LY86: variants seen among roughly 807,000 people sequenced by gnomAD.
LY86 encodes the protein MD-1, RP105-associated.
LY86 carries 20 observed loss-of-function variants against 17.3 expected under a neutral mutation model. That is an observed-to-expected ratio of 1.15 (90% CI 0.81 to 1.68). The LOEUF is 1.68. Ranked by LOEUF, LY86 falls within the 40% of genes most tolerant of loss-of-function variation. The pLI is 0.00. For missense variants in LY86, 200 were observed against 191.9 expected (o/e 1.04, Z -0.25); for synonymous variants, 74 against 70.6 (o/e 1.05, Z -0.24).
chr6:6,610,224 G>A (rs1036881044), intron 1 of LY86, among the ~76,000 whole-genome samples: 3 of 152,230 alleles, frequency 2.0e-5, no homozygotes, highest in South Asian at 2.1e-4. Flanking sequence ...GTTTTGATAC[G>A]TGGTTCTGTA....
intron 1 of LY86, among the ~76,000 whole-genome samples, chr6:6,595,043 C>G (rs867381848): frequency 6.6e-6 from 1 of 151,568 alleles, no homozygotes; most frequent in South Asian, 2.1e-4. Flanking sequence ...GATAAGTCTT[C>G]GGGTAAAAAA....
At chr6:6,639,280 T>C (rs1489739467) in intron 3 of LY86, among the ~76,000 whole-genome samples, 1 of 151,680 alleles carries the variant, frequency 6.6e-6, no homozygotes, top group African/African-American at 2.4e-5. Context: ...CTAGGTTACA[T>C]CCGTGTCATG....
At chr6:6,640,821 C>T (rs1195786235) in intron 3 of LY86, among the ~76,000 whole-genome samples, 2 of 152,046 alleles carry the variant, frequency 1.3e-5, no homozygotes, top group African/African-American at 2.4e-5. Flanking sequence ...TGAAGAAACC[C>T]AGGAAAAATT....
At chr6:6,640,950 G>A (rs549517435) in intron 3 of LY86, among the ~76,000 whole-genome samples, 50 of 152,262 alleles carry the variant, frequency 3.3e-4, no homozygotes, top group African/African-American at 1.1e-3. Context: ...CTCGTCAAAC[G>A]GACAGGGAGA....
chr6:6,643,269 A>C (rs954236897), intron 3 of LY86, among the ~76,000 whole-genome samples: 1 of 152,246 alleles, frequency 6.6e-6, no homozygotes, highest in Non-Finnish European at 1.5e-5. Context: ...AGATGTAAAA[A>C]CAACAGCGAC....
chr6:6,605,646 T>C (rs1053006286), intron 1 of LY86, among the ~76,000 whole-genome samples: 5 of 152,268 alleles, frequency 3.3e-5, no homozygotes, highest in African/African-American at 9.6e-5. Context: ...GTTTTCGCTA[T>C]GTTCTACTGT....
intron 1 of LY86, among the ~76,000 whole-genome samples, chr6:6,608,374 T>C (rs1435331776): frequency 1.3e-5 from 2 of 152,272 alleles, no homozygotes; most frequent in Non-Finnish European, 2.9e-5. Flanking sequence ...CGTTACTTAA[T>C]TCATTTTCAT....
At chr6:6,644,332 T>C (rs888736807) in intron 3 of LY86, among the ~76,000 whole-genome samples, 3 of 152,150 alleles carry the variant, frequency 2.0e-5, no homozygotes, top group Non-Finnish European at 4.4e-5. Context: ...GAGACCAGCC[T>C]GGACAACATG....
At chr6:6,627,970 G>T (rs961851037) in intron 3 of LY86, among the ~76,000 whole-genome samples, 1 of 151,642 alleles carries the variant, frequency 6.6e-6, no homozygotes. Context: ...TGGCCAAGGG[G>T]TTTATTTAAA....
chr6:6,605,884 G>A (rs1053081887), intron 1 of LY86, among the ~76,000 whole-genome samples: 2 of 148,382 alleles, frequency 1.3e-5, no homozygotes, highest in African/African-American at 5.3e-5. Flanking sequence ...GTTTCTCGCG[G>A]TGGGTTCTTA....
chr6:6,611,573 G>A (rs1457603255), intron 1 of LY86, among the ~76,000 whole-genome samples: 8 of 152,172 alleles, frequency 5.3e-5, no homozygotes, highest in African/African-American at 9.7e-5. Flanking sequence ...ACACAAAACC[G>A]CCTCCACAGC....
At chr6:6,613,315 T>TA (rs1327679719) in intron 1 of LY86, among the ~76,000 whole-genome samples, 2 of 152,194 alleles carry the variant, frequency 1.3e-5, no homozygotes, top group African/African-American at 4.8e-5. Context: ...GACGGAGCGC[T>TA]ATGGAGCAGG....
At chr6:6,592,304 T>C (rs1760554794) in intron 1 of LY86, among the ~76,000 whole-genome samples, 1 of 152,210 alleles carries the variant, frequency 6.6e-6, no homozygotes, top group African/African-American at 2.4e-5. Context: ...CTGTCTTTAC[T>C]AAAGCAAAAG....
chr6:6,607,062 G>A (rs892931043), intron 1 of LY86, among the ~76,000 whole-genome samples: 1 of 152,274 alleles, frequency 6.6e-6, no homozygotes, highest in South Asian at 2.1e-4. Flanking sequence ...CTAGGAGGGG[G>A]TCCCTGGGGC....
intron 1 of LY86, among the ~76,000 whole-genome samples, chr6:6,605,967 C>T (rs538829180): frequency 2.0e-5 from 3 of 151,884 alleles, no homozygotes; most frequent in South Asian, 2.1e-4. Context: ...AAGCGTGGAC[C>T]CAAAGAGCGA....
intron 1 of LY86, among the ~76,000 whole-genome samples, chr6:6,605,828 T>G (rs140489696): frequency 6.6e-6 from 1 of 150,856 alleles, no homozygotes; most frequent in Non-Finnish European, 1.5e-5. Context: ...CTGGCTGACT[T>G]TCCCGGTGAA....
In LY86 at chr6:6,654,571, T is replaced by C. The variant is rs1762232978; in HGVS notation, c.433T>C (p.Tyr145His). ...AGAATACCAGGTTTTGCTGGAACTG[T>C]ACACTGAAAAACGGTCCACCGTGGC... ...QGEYQVLLELYTEKRSTVACA... is the reference protein window; with the variant it reads ...QGEYQVLLELHTEKRSTVACA... Residue 145 changes from tyrosine to histidine, a missense_variant, in exon 5 of 5, where the codon TAC becomes CAC. Physicochemically the swap from Tyr to His is moderately conservative, Grantham distance 83 (BLOSUM62 2). Transcript: ENST00000230568. The C allele has an allele frequency of 1.9e-6, 3 of 1,614,206 alleles. No individual in the cohort carries two copies. The highest frequency in any genetic ancestry group is 2.5e-6 in the Non-Finnish European group (3 of 1,180,002).
intron 1 of LY86, among the ~76,000 whole-genome samples, chr6:6,590,765 C>T (rs1760501681): frequency 6.6e-6 from 1 of 152,142 alleles, no homozygotes; most frequent in African/African-American, 2.4e-5. Flanking sequence ...GAATTGGCCT[C>T]ACTCTAAGCT....
intron 1 of LY86, chr6:6,620,735 G>A (rs1761654409): frequency 6.6e-6 from 1 of 152,216 alleles, no homozygotes; most frequent in South Asian, 2.1e-4. Flanking sequence ...ACTAATGGAG[G>A]GTGGAAGGCA....
Sources: gnomAD v4.1 joint callset for allele counts (sites outside exome capture counted in the v4.1 genomes callset) on GRCh38, gnomAD v4.1.1 for gene constraint, MANE v1.5 for transcripts, NCBI Gene and HGNC (gene_info 2026-07-23, HGNC 2026-07-21) for gene names.